RBM19: variants seen among roughly 807,000 people sequenced by gnomAD.
RBM19 encodes probable RNA-binding protein 19.
A neutral mutation model predicts 116.8 loss-of-function variants in RBM19; 94 were observed. The observed-to-expected ratio is 0.80, with a 90% CI of 0.68 to 0.95. The LOEUF is 0.95. Among genes scored for constraint, RBM19 ranks in the 40% least tolerant of loss-of-function variants. RBM19 has a pLI of 0.00. For synonymous variants in RBM19, 475 were observed against 494.1 expected (o/e 0.96, Z 0.51); for missense variants, 1,161 against 1,220.7 (o/e 0.95, Z 0.73).
chr12:113,935,184 C>G (rs574460337), intron 16 of RBM19, among the ~76,000 whole-genome samples: 1 of 152,166 alleles, frequency 6.6e-6, no homozygotes, highest in African/African-American at 2.4e-5. Context: ...GGAGCCACCA[C>G]GTGTCCCCAG....
At chr12:113,827,545 A>G (rs1055753218) in intron 23 of RBM19, among the ~76,000 whole-genome samples, 1 of 151,840 alleles carries the variant, frequency 6.6e-6, no homozygotes, top group African/African-American at 2.4e-5. Context: ...CGTCGGGAGG[A>G]CAAGAGAAAG....
At chr12:113,854,690 C>T (rs901767038) in intron 22 of RBM19, among the ~76,000 whole-genome samples, 1 of 152,184 alleles carries the variant, frequency 6.6e-6, no homozygotes, top group Non-Finnish European at 1.5e-5. Flanking sequence ...CACCAGGGCC[C>T]GTGATGAGGG....
intron 22 of RBM19, 96 bp downstream of exon 22, chr12:113,858,695 G>A (rs895588112): frequency 8.7e-7 from 1 of 1,145,286 alleles, no homozygotes; most frequent in Non-Finnish European, 1.3e-6. Context: ...GCATGGGGAG[G>A]TGACTCTGTG....
chr12:113,927,352 G>A (rs1410528613), intron 16 of RBM19, 123 bp from the exon 17 acceptor site: 11 of 1,230,368 alleles, frequency 8.9e-6, no homozygotes, highest in Admixed American at 8.6e-5. Flanking sequence ...CTGCCTCTGC[G>A]GGCAGTGGCA....
At chr12:113,904,153 G>A (rs1391572320) in intron 21 of RBM19, among the ~76,000 whole-genome samples, 1 of 152,132 alleles carries the variant, frequency 6.6e-6, no homozygotes, top group Non-Finnish European at 1.5e-5. Context: ...CTTAGACTGT[G>A]GTTATTCTGA....
chr12:113,930,676 T>C (rs2135886250), intron 16 of RBM19, among the ~76,000 whole-genome samples: 1 of 152,368 alleles, frequency 6.6e-6, no homozygotes, highest in African/African-American at 2.4e-5. Context: ...CAAAGGGGTC[T>C]GCCTTTCCTC....
intron 23 of RBM19, among the ~76,000 whole-genome samples, chr12:113,843,006 G>T (rs1011871753): frequency 6.6e-6 from 1 of 152,170 alleles, no homozygotes; most frequent in Non-Finnish European, 1.5e-5. Context: ...AGAATCAAGG[G>T]GCTTCCCTGC....
intron 2 of RBM19, among the ~76,000 whole-genome samples, chr12:113,961,712 C>T (rs1007532748): frequency 3.9e-5 from 6 of 152,200 alleles, no homozygotes; most frequent in Admixed American, 1.3e-4. Flanking sequence ...CTCCCTGGTC[C>T]GGCTATAGAT....
In RBM19 at chr12:113,947,317, C is replaced by T. The variant is rs1348033567; in HGVS notation, c.1407+17G>A. 3 of 1,580,932 alleles carry T rather than the reference C, an allele frequency of 1.9e-6. No homozygotes were observed. Among genetic ancestry groups the T allele is most frequent in the Non-Finnish European group, 2.6e-6 (3 of 1,155,464 alleles). Reference sequence around the variant, plus strand: ...TGAGCCCCACAGCCTCCTGGCCAGCCCAGGACGGGGCCTCACCTGGAATAC... The same window carrying T: ...TGAGCCCCACAGCCTCCTGGCCAGCTCAGGACGGGGCCTCACCTGGAATAC... On this transcript the variant is annotated intron_variant, in intron 11 of 23. Coordinates refer to ENST00000261741, the MANE Select transcript of RBM19 (RefSeq NM_016196.4).
At chr12:113,886,772 A>G (rs1880554747) in intron 21 of RBM19, among the ~76,000 whole-genome samples, 1 of 152,220 alleles carries the variant, frequency 6.6e-6, no homozygotes, top group Non-Finnish European at 1.5e-5. Flanking sequence ...TGGAGATCCT[A>G]TGGGTCCACC....
rs1392705377 is a variant in RBM19, at chr12:113,825,250, T to A, written c.2786-1929A>T. Among the ~76,000 whole-genome samples the A allele has an allele frequency of 2.0e-5, 3 of 148,492 alleles. No individual in the cohort carries two copies. The highest frequency in any genetic ancestry group is 7.4e-5 in the African/African-American group (3 of 40,782). On this transcript the variant is annotated intron_variant, in intron 23 of 23. Coordinates refer to ENST00000261741, the MANE Select transcript of RBM19 (RefSeq NM_016196.4). The surrounding 1 kb of genome is among the most constrained non-coding windows in gnomAD (Gnocchi z 5.7). ...GTGAGCGTGCAGAAGGTGCGGGAGG[T>A]GCCCACCTGCCTGCCACCTGAGAGC...
At chr12:113,966,130 C>T (rs1009983481) in intron 1 of RBM19, 62 bp downstream of exon 1, 8 of 1,608,730 alleles carry the variant, frequency 5.0e-6, no homozygotes, top group East Asian at 2.2e-5. Context: ...GGCATCTCTT[C>T]CCTACCTCAC....
At chr12:113,908,899 G>A (rs1363984762) in intron 21 of RBM19, among the ~76,000 whole-genome samples, 3 of 152,234 alleles carry the variant, frequency 2.0e-5, no homozygotes, top group Non-Finnish European at 4.4e-5. Flanking sequence ...TATGTAGCAG[G>A]CACCTGTGGA....
In RBM19 at chr12:113,921,157, A is replaced by T. The variant is rs565622712; in HGVS notation, c.2306-467T>A. 4.6e-5 allele frequency among the ~76,000 whole-genome samples: 7 copies of T among 152,338 alleles called. No individual in the cohort carries two copies. In the East Asian group the frequency reaches 1.3e-3, roughly 29 times the overall value. On this transcript the variant is annotated intron_variant, in intron 18 of 23. Transcript: ENST00000261741. ...ACATTCAGTTTCCTGGGTTTCAGAT[A>T]TAAAGTTTGGATCATGTGGGCGACT... is the stretch of plus-strand genomic sequence containing the variant.
intron 21 of RBM19, among the ~76,000 whole-genome samples, chr12:113,911,226 C>T (rs993788219): frequency 2.6e-5 from 4 of 152,168 alleles, no homozygotes; most frequent in African/African-American, 4.8e-5. Context: ...GTCTGGGACA[C>T]CCCTATTTGT....
chr12:113,820,838 G>A (rs1440530467), downstream of RBM19, among the ~76,000 whole-genome samples: 1 of 152,146 alleles, frequency 6.6e-6, no homozygotes, highest in African/African-American at 2.4e-5. Context: ...CAGGCCTGGC[G>A]AGTGGCTGGA....
At chr12:113,900,122 C>T (rs1186358176) in intron 21 of RBM19, among the ~76,000 whole-genome samples, 2 of 152,228 alleles carry the variant, frequency 1.3e-5, no homozygotes, top group Non-Finnish European at 2.9e-5. Flanking sequence ...TGAGGGAAAA[C>T]GCCAGCTGCA....
At chr12:113,826,116 G>A (rs768431259) in intron 23 of RBM19, among the ~76,000 whole-genome samples, 13 of 152,106 alleles carry the variant, frequency 8.5e-5, no homozygotes, top group East Asian at 5.8e-4. Context: ...CTTCCTCCAC[G>A]GAGCCACTCA....
At chr12:113,833,308 T>C (rs1875596465) in intron 23 of RBM19, among the ~76,000 whole-genome samples, 1 of 152,200 alleles carries the variant, frequency 6.6e-6, no homozygotes, top group Admixed American at 6.5e-5. Flanking sequence ...ATCCACCTGC[T>C]TCCCCACCTC....
Sources: allele counts gnomAD v4.1 joint callset (sites outside exome capture counted in the v4.1 genomes callset), GRCh38; gene constraint gnomAD v4.1.1; non-coding constraint Gnocchi (gnomAD v3.1); transcripts MANE v1.5; gene names NCBI Gene and HGNC (gene_info 2026-07-23, HGNC 2026-07-21).